Variants in TRERF1 observed in about 807,000 individuals in gnomAD.
The protein encoded by TRERF1 is transcriptional regulating factor 1.
Under a neutral mutation model 122.9 loss-of-function variants are expected in TRERF1, and 27 were observed. The observed-to-expected ratio is 0.22, with a 90% confidence interval of 0.16 to 0.30. TRERF1 has a LOEUF of 0.30. Among genes scored for constraint, TRERF1 ranks in the 10% least tolerant of loss-of-function variants. The pLI is 1.00. For synonymous variants in TRERF1, 636 were observed against 641.7 expected (o/e 0.99, Z 0.13); for missense variants, 1,248 against 1,560.3 (o/e 0.80, Z 3.37).
chr6:42,288,574 C>CAAAAAAAAA (rs3074797), intron 4 of TRERF1, among the ~76,000 whole-genome samples: 891 of 86,490 alleles, frequency 0.01, 33 homozygotes, highest in African/African-American at 0.042. Flanking sequence ...ATCTCAAAAC[C>CAAAAAAAAA]AAAAAAAAAA....
At chr6:42,402,661 T>C (rs1462233356) in intron 2 of TRERF1, among the ~76,000 whole-genome samples, 1 of 152,198 alleles carries the variant, frequency 6.6e-6, no homozygotes, top group African/African-American at 2.4e-5. Context: ...TCATTTCTTA[T>C]CAAGCTAAGT....
rs1490325468 is a variant in TRERF1 at position 42,393,612 on chromosome 6, TAAAACAG to T, written c.-453-30540_-453-30534del. 6.6e-6 allele frequency among the ~76,000 whole-genome samples: 1 copy of T among 152,220 alleles called. No individual in the cohort carries two copies. Among genetic ancestry groups the T allele is most frequent in the African/African-American group, 2.4e-5 (1 of 41,452 alleles). On this transcript the variant is annotated intron_variant, in intron 2 of 17. Transcript: ENST00000372922. This position sits in a 1 kb window ranked among gnomAD's most constrained non-coding sequence, Gnocchi z 4.1. ...GTGCTTCACCAGAGAATTTCTTTCC[TAAAACAG>T]TGACCTAGCTATTAAAATCTGCATT...
rs377150078 is a variant in TRERF1, at chr6:42,264,669, G to T, written c.1635+35C>A. 1.4e-5 allele frequency: 23 copies of T among 1,605,802 alleles called. No individual in the cohort carries two copies. The South Asian group carries it at 2.0e-4, about 14-fold the overall frequency. ...CAGCAAAGCAAAGCAAGCAGCACAC[G>T]ACCTAGAAAGGACCGGGAACTGGCT... On this transcript the variant is annotated intron_variant, in intron 7 of 17. Coordinates refer to ENST00000372922, the Ensembl canonical transcript of TRERF1.
rs1306251053 is a variant in TRERF1 at position 42,268,127 on chromosome 6, T to C, written c.1437+27A>G. 2.1e-6 allele frequency: 3 copies of C among 1,434,828 alleles called. No homozygotes were observed. Among genetic ancestry groups the C allele is most frequent in the African/African-American group, 1.4e-5 (1 of 70,270 alleles). The allele number at this position is 1,434,828 out of a possible 1,614,324, so 88.9% of individuals were successfully genotyped here. A position where few individuals can be genotyped will look rare whatever the true frequency, so the allele number is the denominator to read the frequency against. On this transcript the variant is annotated intron_variant, in intron 5 of 17. Transcript: ENST00000372922. The surrounding 1 kb of genome is among the most constrained non-coding windows in gnomAD (Gnocchi z 4.4). ...CCTGACCCTGTAGCACACTGGGTATTGAGAGAAACTTCCAATGGGAGAATA... is the reference window on the plus strand; with the variant it reads ...CCTGACCCTGTAGCACACTGGGTATCGAGAGAAACTTCCAATGGGAGAATA...
chr6:42,408,373 CTT>C (rs34753779), intron 2 of TRERF1, among the ~76,000 whole-genome samples: 3 of 62,966 alleles, frequency 4.8e-5, no homozygotes, highest in Admixed American at 4.9e-4. Flanking sequence ...ATATATATAT[CTT>C]TTTTTTTTTT....
At chr6:42,305,989 T>G (rs902565049) in intron 3 of TRERF1, among the ~76,000 whole-genome samples, 1 of 138,170 alleles carries the variant, frequency 7.2e-6, no homozygotes, top group Non-Finnish European at 1.6e-5. Context: ...TCTCCAAATA[T>G]CTCTCCTTTT....
At chr6:42,352,724 T>C (rs2150845034) in intron 3 of TRERF1, among the ~76,000 whole-genome samples, 1 of 152,162 alleles carries the variant, frequency 6.6e-6, no homozygotes, top group East Asian at 1.9e-4. Flanking sequence ...GAGAGATAAA[T>C]ATAATAACTG....
In TRERF1 at chr6:42,262,327, C is replaced by G. The variant is rs73733134; in HGVS notation, c.1884+993G>C. On this transcript the variant is annotated intron_variant, in intron 8 of 17. Coordinates refer to ENST00000372922, the Ensembl canonical transcript of TRERF1. ...AGCCTACCCTTATGCCTCCTGGATT[C>G]CCAGCAGCTACCTATTCCTAAGGAC... is the stretch of plus-strand genomic sequence containing the variant. 3.0e-3 allele frequency among the ~76,000 whole-genome samples: 459 copies of G among 152,068 alleles called. 6 individuals carry two copies. The highest frequency in any genetic ancestry group is 9.6e-3 in the African/African-American group (400 of 41,492).
At chr6:42,319,062 T>G (rs1762962084) in intron 3 of TRERF1, among the ~76,000 whole-genome samples, 1 of 152,242 alleles carries the variant, frequency 6.6e-6, no homozygotes, top group African/African-American at 2.4e-5. Context: ...CTGTTTCCCT[T>G]CCACCTGAAT....
chr6:42,302,244 AT>A lies in TRERF1; in HGVS notation c.-370-1496del, dbSNP rs200753665. Among the ~76,000 whole-genome samples the A allele has an allele frequency of 1.3e-4, 20 of 151,950 alleles. No homozygotes were observed. The East Asian group carries it at 2.3e-3, about 18-fold the overall frequency. On this transcript the variant is annotated intron_variant, in intron 3 of 17. Transcript: ENST00000372922. ...TCCTACTATTTAATGCTATAAAATG[AT>A]TTTTTTTTAAATGAGAAATCCTTTG... is the stretch of plus-strand genomic sequence containing the variant.
intron 2 of TRERF1, among the ~76,000 whole-genome samples, chr6:42,372,882 G>A (rs1325920441): frequency 2.0e-5 from 3 of 152,196 alleles, no homozygotes; most frequent in African/African-American, 7.2e-5. Context: ...GAGACCCTGA[G>A]TCAGGCAAAG....
chr6:42,415,444 T>G (rs1030473095), intron 2 of TRERF1, among the ~76,000 whole-genome samples: 1 of 152,208 alleles, frequency 6.6e-6, no homozygotes, highest in Non-Finnish European at 1.5e-5. Flanking sequence ...TGTGTCAAAC[T>G]TAGGAAGGTC....
chr6:42,335,988 G>A (rs758885626), intron 3 of TRERF1, among the ~76,000 whole-genome samples: 7 of 152,234 alleles, frequency 4.6e-5, no homozygotes, highest in Non-Finnish European at 1.0e-4. Context: ...GTAGCCACTA[G>A]CCGCTGTTGA....
intron 15 of TRERF1, among the ~76,000 whole-genome samples, chr6:42,241,108 TCTC>T (rs1773598677): frequency 6.6e-6 from 1 of 152,088 alleles, no homozygotes; most frequent in Admixed American, 6.5e-5. Flanking sequence ...GTGGTCTCGA[TCTC>T]CTGACCTCGT....
At chr6:42,382,752 T>C (rs1029600319) in intron 2 of TRERF1, among the ~76,000 whole-genome samples, 3 of 152,122 alleles carry the variant, frequency 2.0e-5, no homozygotes, top group South Asian at 2.1e-4. Context: ...AGGGCTTTCA[T>C]GTCTTGAACG....
At chr6:42,330,002 A>G (rs116273172) in intron 3 of TRERF1, among the ~76,000 whole-genome samples, 1,668 of 152,262 alleles carry the variant, frequency 0.011, 31 homozygotes, top group African/African-American at 0.037. Flanking sequence ...GGAAAAAAAA[A>G]GTATTGATTC....
intron 13 of TRERF1, among the ~76,000 whole-genome samples, chr6:42,250,092 C>G (rs566119087): frequency 7.9e-5 from 12 of 152,292 alleles, no homozygotes; most frequent in African/African-American, 2.9e-4. Context: ...CTGTGAACCC[C>G]GGGCAAGCCT....
intron 16 of TRERF1, among the ~76,000 whole-genome samples, chr6:42,235,263 T>C (rs1035997013): frequency 5.3e-5 from 8 of 152,166 alleles, no homozygotes; most frequent in African/African-American, 1.9e-4. Context: ...CACACTGACT[T>C]AAGGAAAATG....
At chr6:42,334,307 G>T (rs1581650252) in intron 3 of TRERF1, among the ~76,000 whole-genome samples, 1 of 152,092 alleles carries the variant, frequency 6.6e-6, no homozygotes, top group Non-Finnish European at 1.5e-5. Context: ...CCTCCTTCCA[G>T]AACAACTGAC....
Sources: gnomAD v4.1 joint callset for allele counts (sites outside exome capture counted in the v4.1 genomes callset) on GRCh38, gnomAD v4.1.1 for gene constraint, Gnocchi (gnomAD v3.1) non-coding constraint, MANE v1.5 for transcripts, NCBI Gene and HGNC (gene_info 2026-07-23, HGNC 2026-07-21) for gene names.